Variants in ANGEL1 observed in about 807,000 individuals in gnomAD.
The protein encoded by ANGEL1 is angel homolog 1, also known as RNA 2',3'-cyclic phosphatase ANGEL1.
Under a neutral mutation model 76.4 loss-of-function variants are expected in ANGEL1, and 62 were observed. The ratio of observed to expected loss-of-function variants is 0.81; its 90% confidence interval spans 0.66 to 1.00. ANGEL1 has a LOEUF of 1.00. Ranked by LOEUF, ANGEL1 falls within the 50% of genes least tolerant of loss-of-function variation. The pLI, the probability that ANGEL1 is intolerant of heterozygous loss-of-function variation, is 0.00. For synonymous variants in ANGEL1, 340 were observed against 331.7 expected (o/e 1.03, Z -0.27); for missense variants, 737 against 836.7 (o/e 0.88, Z 1.47).
chr14:76,791,200 G>T, intron 8 of ANGEL1, 97 bp downstream of exon 8: 1 of 1,292,000 alleles, frequency 7.7e-7, no homozygotes, highest in Non-Finnish European at 1.1e-6. Flanking sequence ...ATCAAAAAGT[G>T]CTCCCCCAAG....
intron 7 of ANGEL1, among the ~76,000 whole-genome samples, chr14:76,802,109 T>G (rs539457613): frequency 3.1e-4 from 47 of 151,990 alleles, no homozygotes; most frequent in Admixed American, 2.6e-3. Context: ...GAGGCAGAGG[T>G]TGTAGTGAGC....
At chr14:76,812,125 G>A (rs1253072356) in intron 1 of ANGEL1, among the ~76,000 whole-genome samples, 3 of 152,212 alleles carry the variant, frequency 2.0e-5, no homozygotes, top group Non-Finnish European at 1.5e-5. Flanking sequence ...CCCTCTTTGA[G>A]GTATCGACTG....
At chr14:76,791,860 T>A (rs1209108369) in intron 7 of ANGEL1, among the ~76,000 whole-genome samples, 1 of 152,044 alleles carries the variant, frequency 6.6e-6, no homozygotes, top group African/African-American at 2.4e-5. Context: ...TATGTATACA[T>A]CTATAAGCAC....
chr14:76,803,314 C>A, intron 7 of ANGEL1, 57 bp downstream of exon 7: 1 of 1,382,480 alleles, frequency 7.2e-7, no homozygotes, highest in Middle Eastern at 1.9e-4. Context: ...ACATAACTGA[C>A]CAATATCAGG....
intron 1 of ANGEL1, among the ~76,000 whole-genome samples, chr14:76,811,153 G>A (rs1050204821): frequency 6.6e-6 from 1 of 152,182 alleles, no homozygotes; most frequent in African/African-American, 2.4e-5. Context: ...AGTGGTTAGA[G>A]GACAGAGACG....
chr14:76,802,607 T>G (rs2140223057), intron 7 of ANGEL1, among the ~76,000 whole-genome samples: 1 of 152,038 alleles, frequency 6.6e-6, no homozygotes, highest in Admixed American at 6.5e-5. Flanking sequence ...GATCAGTCCC[T>G]CCTCCACTGC....
intron 7 of ANGEL1, among the ~76,000 whole-genome samples, chr14:76,793,431 A>G (rs1455217940): frequency 1.2e-4 from 6 of 49,830 alleles, no homozygotes; most frequent in East Asian, 6.1e-4. Flanking sequence ...AGAGGGGAGG[A>G]GGAGGAGGAG....
intron 1 of ANGEL1, chr14:76,810,136 G>C: frequency 2.2e-6 from 1 of 452,946 alleles, no homozygotes; most frequent in Admixed American, 2.4e-5. Context: ...ACTGTAAAAT[G>C]GGGACAAGAG....
chr14:76,795,272 A>G (rs1211595000), intron 7 of ANGEL1, among the ~76,000 whole-genome samples: 1 of 152,206 alleles, frequency 6.6e-6, no homozygotes, highest in Non-Finnish European at 1.5e-5. Flanking sequence ...CATGTATTTT[A>G]GATTTCACAT....
chr14:76,804,582 C>A, intron 5 of ANGEL1: 1 of 442,136 alleles, frequency 2.3e-6, no homozygotes, highest in Non-Finnish European at 3.0e-6. Flanking sequence ...TAGACAGAAT[C>A]CCCTTGCCCT....
In ANGEL1 at chr14:76,791,318, T is replaced by A. The variant is rs1421906409; in HGVS notation, c.1667A>T (p.Glu556Val). The change falls in exon 8 of 10, where the codon GAG (glutamate) becomes GTG (valine). Residue 556 changes from glutamate (E) to valine (V), a missense_variant. Glu to Val is a moderately radical substitution (Grantham distance 121, BLOSUM62 -2). This residue lies in a region of ANGEL1 where 296 missense variants were observed against 387.2 expected (regional missense o/e 0.76). Coordinates refer to ENST00000251089, the MANE Select transcript of ANGEL1 (RefSeq NM_015305.4). ...TTACCTGGAGAAGGCAGGCTCAAGC[T>A]CCGATGCATCTTCCTCAAGGACAGA... ...AESVLEEDASELEPAFSRTVG... is the reference protein window; with the variant it reads ...AESVLEEDASVLEPAFSRTVG... 80 of 1,613,934 alleles carry A rather than the reference T, an allele frequency of 5.0e-5. No homozygotes were observed. Among genetic ancestry groups the A allele is most frequent in the Non-Finnish European group, 6.3e-5 (74 of 1,179,996 alleles).
At chr14:76,801,249 C>T (rs568196905) in intron 7 of ANGEL1, among the ~76,000 whole-genome samples, 1 of 151,988 alleles carries the variant, frequency 6.6e-6, no homozygotes, top group African/African-American at 2.4e-5. Context: ...TAGCTAGGAC[C>T]ACAGGCATGC....
chr14:76,806,285 A>T (rs568971418), intron 5 of ANGEL1, 131 bp downstream of exon 5: 4 of 957,432 alleles, frequency 4.2e-6, no homozygotes, highest in Non-Finnish European at 6.1e-6. Flanking sequence ...GCTATTCAAC[A>T]TAACAAGAAA....
At chr14:76,795,460 T>C (rs559758175) in intron 7 of ANGEL1, among the ~76,000 whole-genome samples, 1 of 152,308 alleles carries the variant, frequency 6.6e-6, no homozygotes, top group East Asian at 1.9e-4. Flanking sequence ...GAGTCTGCAG[T>C]TCTCTCTTTC....
intron 7 of ANGEL1, 28 bp from the exon 8 acceptor site, chr14:76,791,394 T>C (rs183050258): frequency 6.2e-7 from 1 of 1,609,126 alleles, no homozygotes; most frequent in East Asian, 2.2e-5. Context: ...GAAAAACATT[T>C]TCTCATCCAC....
chr14:76,800,264 C>T (rs1224756629), intron 7 of ANGEL1, among the ~76,000 whole-genome samples: 1 of 152,088 alleles, frequency 6.6e-6, no homozygotes, highest in African/African-American at 2.4e-5. Flanking sequence ...TTTTATAATC[C>T]TAAATCACTG....
At position 76,806,445 on chromosome 14, in the gene ANGEL1, G is replaced by C. The variant is rs1409906124; in HGVS notation, c.1351C>G (p.Leu451Val). 6.2e-7 allele frequency: 1 copy of C among 1,613,886 alleles called. No homozygotes were observed. Among genetic ancestry groups the C allele is most frequent in the Admixed American group, 1.7e-5 (1 of 60,008 alleles). The change falls in exon 5 of 10, where the codon CTC becomes GTC. Residue 451 changes from leucine to valine, a missense_variant. By Grantham distance (32) the Leu-to-Val change is conservative (BLOSUM62 1). This residue lies in a region of ANGEL1 where 296 missense variants were observed against 387.2 expected (regional missense o/e 0.76). Transcript: ENST00000251089. The stretch of plus-strand genomic sequence containing the variant: ...CAGGCTGGCATCCCATGGTACTGGA[G>C]CTCTCCATCCCTGATGAAGTTGTAG... ...PLYNFIRDGE[L>V]QYHGMPAWKV...
At position 76,806,476 on chromosome 14, in the gene ANGEL1, T is replaced by C; in HGVS notation, c.1320A>G (p.Ser440=). 6.2e-7 allele frequency: 1 copy of C among 1,613,980 alleles called. No homozygotes were observed. The highest frequency in any genetic ancestry group is 8.5e-7 in the Non-Finnish European group (1 of 1,180,002). ...CATCCCTGATGAAGTTGTAGAGAGG[T>C]GAATCAGGGACAGAATTTAGGTCCC... The part of the protein sequence containing the change: ...LCGDLNSVPD[S]PLYNFIRDGE... The change falls in exon 5 of 10, where the codon TCA becomes TCG. Residue 440 remains serine, a synonymous_variant. Transcript: ENST00000251089.
intron 8 of ANGEL1, 102 bp downstream of exon 8, chr14:76,791,195 A>G: frequency 7.8e-7 from 1 of 1,278,340 alleles, no homozygotes; most frequent in African/African-American, 1.5e-5. Context: ...AGCTTATCAA[A>G]AAGTGCTCCC....
Sources: allele counts gnomAD v4.1 joint callset (sites outside exome capture counted in the v4.1 genomes callset), GRCh38; gene constraint gnomAD v4.1.1; regional missense constraint gnomAD v4.1.1; transcripts MANE v1.5; gene names NCBI Gene and HGNC (gene_info 2026-07-23, HGNC 2026-07-21).